Variants in NLGN1 observed in about 807,000 individuals in gnomAD.
The protein encoded by NLGN1 is neuroligin-1.
NLGN1 carries 12 observed loss-of-function variants against 65.5 expected under a neutral mutation model. The observed-to-expected ratio is 0.18, with a 90% confidence interval of 0.12 to 0.30. The LOEUF is 0.30. Among genes scored for constraint, NLGN1 ranks in the 10% least tolerant of loss-of-function variants. NLGN1 has a pLI of 1.00. For synonymous variants in NLGN1, 350 were observed against 359.5 expected (o/e 0.97, Z 0.30); for missense variants, 750 against 1,007.1 (o/e 0.74, Z 3.46).
intron 3 of NLGN1, among the ~76,000 whole-genome samples, chr3:173,698,097 C>T (rs994267997): frequency 2.0e-5 from 3 of 150,804 alleles, no homozygotes; most frequent in African/African-American, 4.9e-5. Context: ...AAACTTTTTC[C>T]CATGTTCTAG....
chr3:173,878,287 G>A (rs1354523026), intron 4 of NLGN1, among the ~76,000 whole-genome samples: 1 of 152,048 alleles, frequency 6.6e-6, no homozygotes, highest in Non-Finnish European at 1.5e-5. Context: ...TAATCCCCCT[G>A]CTTGGGCCTC....
intron 4 of NLGN1, among the ~76,000 whole-genome samples, chr3:173,970,273 G>A (rs1230559576): frequency 6.6e-6 from 1 of 152,140 alleles, no homozygotes; most frequent in Non-Finnish European, 1.5e-5. Flanking sequence ...GTGAAGACTA[G>A]TAATATTTTG....
chr3:173,858,515 A>G (rs1728450644), intron 4 of NLGN1, among the ~76,000 whole-genome samples: 1 of 152,084 alleles, frequency 6.6e-6, no homozygotes, highest in African/African-American at 2.4e-5. Flanking sequence ...GTGCCTTGCC[A>G]TTTGGATAGG....
chr3:174,089,544 A>G (rs1395850472), intron 4 of NLGN1, among the ~76,000 whole-genome samples: 3 of 152,218 alleles, frequency 2.0e-5, no homozygotes, highest in Non-Finnish European at 4.4e-5. Context: ...TTTTAGAAGC[A>G]TAATGAATTT....
chr3:173,780,165 C>G (rs1335501979), intron 3 of NLGN1, among the ~76,000 whole-genome samples: 3 of 152,126 alleles, frequency 2.0e-5, no homozygotes, highest in Non-Finnish European at 4.4e-5. Context: ...ATTCATGCTG[C>G]AATGCTTCTC....
chr3:174,103,759 G>GT (rs1456288226), intron 4 of NLGN1, among the ~76,000 whole-genome samples: 1 of 151,980 alleles, frequency 6.6e-6, no homozygotes, highest in Non-Finnish European at 1.5e-5. Flanking sequence ...CTTGAATATA[G>GT]TTTTTACTGT....
At chr3:173,758,058 G>T (rs564265461) in intron 3 of NLGN1, among the ~76,000 whole-genome samples, 1 of 151,966 alleles carries the variant, frequency 6.6e-6, no homozygotes, top group Non-Finnish European at 1.5e-5. Flanking sequence ...GTATGAGGTC[G>T]TAAGAGTAGG....
chr3:173,958,284 T>C (rs940091794), intron 4 of NLGN1, among the ~76,000 whole-genome samples: 5 of 152,154 alleles, frequency 3.3e-5, no homozygotes, highest in African/African-American at 9.7e-5. Flanking sequence ...ACGAAGTACA[T>C]GGACAAGTGG....
chr3:174,270,510 A>G (rs2046351814), intron 4 of NLGN1, among the ~76,000 whole-genome samples: 1 of 151,896 alleles, frequency 6.6e-6, no homozygotes, highest in South Asian at 2.1e-4. Flanking sequence ...TGAATCAAAC[A>G]GAAATAAAGA....
At chr3:173,555,990 G>T (rs1741646303) in intron 2 of NLGN1, among the ~76,000 whole-genome samples, 1 of 152,182 alleles carries the variant, frequency 6.6e-6, no homozygotes, top group African/African-American at 2.4e-5. Flanking sequence ...AAATAGAGAT[G>T]AAGCTGTTCA....
chr3:173,457,424 A>G (rs1484177873), intron 2 of NLGN1, among the ~76,000 whole-genome samples: 5 of 152,110 alleles, frequency 3.3e-5, no homozygotes, highest in African/African-American at 1.2e-4. Flanking sequence ...TGACTTGAGT[A>G]AAATAAATAT....
intron 4 of NLGN1, among the ~76,000 whole-genome samples, chr3:173,860,658 G>A (rs1473746124): frequency 6.6e-6 from 1 of 152,176 alleles, no homozygotes; most frequent in Non-Finnish European, 1.5e-5. Flanking sequence ...AGTCATTAGG[G>A]AATCCAGCAG....
rs1431836685 is a variant in NLGN1, at chr3:173,600,908, TC to T, written c.-320-3368del. 2.6e-5 allele frequency among the ~76,000 whole-genome samples: 4 copies of T among 152,100 alleles called. No homozygotes were observed. In the East Asian group the frequency reaches 7.7e-4, roughly 29 times the overall value. On this transcript the variant is annotated intron_variant, in intron 2 of 6. Coordinates refer to ENST00000457714, the Ensembl canonical transcript of NLGN1. ...CACCCACTGTAGTTATCTAATGTTC[TC>T]CCTACTCCTTTTTCTGAGTTTCTCA...
At chr3:173,681,969 A>G (rs1459059492) in intron 3 of NLGN1, among the ~76,000 whole-genome samples, 1 of 152,190 alleles carries the variant, frequency 6.6e-6, no homozygotes, top group African/African-American at 2.4e-5. Flanking sequence ...TTGTGAAACT[A>G]ACTTACTAAG....
At chr3:173,853,735 A>G (rs77149914) in intron 4 of NLGN1, among the ~76,000 whole-genome samples, 1,604 of 152,166 alleles carry the variant, frequency 0.011, 26 homozygotes, top group African/African-American at 0.036. Flanking sequence ...AATATTGACT[A>G]TGTATAAGCT....
At chr3:173,487,869 T>A (rs1050457698) in intron 2 of NLGN1, among the ~76,000 whole-genome samples, 3 of 152,058 alleles carry the variant, frequency 2.0e-5, no homozygotes, top group African/African-American at 4.8e-5. Context: ...AGTAAGCAGC[T>A]GTTATTTTCA....
rs76251417 is a variant in NLGN1, at chr3:173,588,348, T to C, written c.-320-15931T>C. The stretch of plus-strand genomic sequence containing the variant: ...TTGCTGGTCACTTTTGTTCTGTTAT[T>C]AATGAAATAATGTTGATAATGTCAA... On this transcript the variant is annotated intron_variant, in intron 2 of 6. Transcript: ENST00000457714. Among the ~76,000 whole-genome samples the C allele has an allele frequency of 3.3e-3, 500 of 152,260 alleles. 1 individual carries two copies. The highest frequency in any genetic ancestry group is 6.8e-3 in the Middle Eastern group (2 of 294).
chr3:173,461,769 C>A (rs888436306), intron 2 of NLGN1, among the ~76,000 whole-genome samples: 3 of 152,086 alleles, frequency 2.0e-5, no homozygotes, highest in Non-Finnish European at 4.4e-5. Context: ...CAAAAAAAAT[C>A]TCTCTTCTTC....
At chr3:174,188,235 T>C (rs1475095586) in intron 4 of NLGN1, among the ~76,000 whole-genome samples, 1 of 152,028 alleles carries the variant, frequency 6.6e-6, no homozygotes, top group Admixed American at 6.6e-5. Context: ...TGGATAATTT[T>C]CCTGGCTTTT....
Sources: gnomAD v4.1 joint callset for allele counts (sites outside exome capture counted in the v4.1 genomes callset) on GRCh38, gnomAD v4.1.1 for gene constraint, MANE v1.5 for transcripts, NCBI Gene and HGNC (gene_info 2026-07-23, HGNC 2026-07-21) for gene names.